C12orf56: variants seen among roughly 807,000 people sequenced by gnomAD.
The protein encoded by C12orf56 is chromosome 12 open reading frame 56.
In C12orf56, 71 loss-of-function variants were observed where a neutral mutation model predicts 69.9. The ratio of observed to expected loss-of-function variants is 1.02; its 90% confidence interval spans 0.84 to 1.24. The LOEUF (loss-of-function observed/expected upper bound fraction) is 1.24. C12orf56 is among the 50% of genes most tolerant of loss of function. The pLI, the probability that C12orf56 is intolerant of heterozygous loss-of-function variation, is 0.00. For missense variants in C12orf56, 732 were observed against 738.5 expected, an observed-to-expected ratio of 0.99 and a Z score of 0.10; for synonymous variants, 276 against 274.1, an observed-to-expected ratio of 1.01 and a Z score of -0.07.
chr12:64,268,726 TA>T (rs2037943034), intron 12 of C12orf56, among the ~76,000 whole-genome samples: 1 of 152,132 alleles, frequency 6.6e-6, no homozygotes, highest in African/African-American at 2.4e-5. Context: ...TTAATATATA[TA>T]TTTTTTTAAG....
intron 3 of C12orf56, among the ~76,000 whole-genome samples, chr12:64,323,272 A>C (rs2038794625): frequency 6.6e-6 from 1 of 152,142 alleles, no homozygotes; most frequent in African/African-American, 2.4e-5. Flanking sequence ...CGTTCCCAGG[A>C]TTCCATTTCT....
intron 1 of C12orf56, among the ~76,000 whole-genome samples, chr12:64,387,712 TGAGGTGG>T (rs1378908262): frequency 6.6e-6 from 1 of 151,248 alleles, no homozygotes; most frequent in Non-Finnish European, 1.5e-5. Context: ...CTCAGAAGGG[TGAGGTGG>T]GAGAATCACT....
chr12:64,310,908 C>A (rs1323037338), intron 5 of C12orf56, among the ~76,000 whole-genome samples: 1 of 151,694 alleles, frequency 6.6e-6, no homozygotes, highest in Non-Finnish European at 1.5e-5. Flanking sequence ...ATGATGTCCC[C>A]CTTCCTGTGT....
chr12:64,303,606 A>G, intron 6 of C12orf56, 29 bp downstream of exon 6: 1 of 1,477,736 alleles, frequency 6.8e-7, no homozygotes, highest in South Asian at 1.4e-5. Context: ...CACAAACTTT[A>G]AAGATTAAAA....
chr12:64,306,787 A>G (rs904286836), intron 5 of C12orf56, among the ~76,000 whole-genome samples: 3 of 152,170 alleles, frequency 2.0e-5, no homozygotes, highest in African/African-American at 7.2e-5. Context: ...CTCTTCCTAT[A>G]TTATCTCAAA....
rs565984655 is a variant in C12orf56, at chr12:64,319,994, G to A, written c.489-1014C>T. ...TCCTGTTTGCCGCCTTGGCAGACCC[G>A]CCACTGACTTCCATCCCTCCGGATC... On this transcript the variant is annotated intron_variant, in intron 3 of 12. Transcript: ENST00000543942. 5.3e-5 allele frequency among the ~76,000 whole-genome samples: 8 copies of A among 152,294 alleles called. No individual in the cohort carries two copies. In the East Asian group the frequency reaches 1.2e-3, roughly 22 times the overall value.
intron 2 of C12orf56, chr12:64,338,841 T>G: frequency 1.2e-6 from 1 of 855,950 alleles, no homozygotes; most frequent in Admixed American, 2.0e-5. Flanking sequence ...AGTTTAGGTT[T>G]GAAGGGTGAG....
intron 12 of C12orf56, among the ~76,000 whole-genome samples, chr12:64,268,503 A>G (rs2037941625): frequency 6.6e-6 from 1 of 152,196 alleles, no homozygotes; most frequent in Non-Finnish European, 1.5e-5. Flanking sequence ...CAGAATAGGC[A>G]AATCCATCAC....
chr12:64,295,849 G>A lies in C12orf56; in HGVS notation c.1113+7786C>T, dbSNP rs148383121. Among the ~76,000 whole-genome samples, 1,364 of 150,942 alleles carry A rather than the reference G, an allele frequency of 9.0e-3. 19 individuals are homozygous for A. The highest frequency in any genetic ancestry group is 0.031 in the African/African-American group (1,260 of 41,206). On this transcript the variant is annotated intron_variant, in intron 6 of 12. Coordinates refer to ENST00000543942, the MANE Select transcript of C12orf56 (RefSeq NM_001170633.2). ...AATATATATCACTCTATATTATAGC[G>A]TATCTGTAATTTTTATATCCATAAT... is the stretch of plus-strand genomic sequence containing the variant.
intron 1 of C12orf56, among the ~76,000 whole-genome samples, chr12:64,373,446 C>G (rs1390944515): frequency 1.3e-5 from 2 of 151,902 alleles, no homozygotes; most frequent in Non-Finnish European, 2.9e-5. Context: ...CAAGACCTGT[C>G]TTGAAAAAAA....
At chr12:64,319,566 T>A (rs186915779) in intron 3 of C12orf56, among the ~76,000 whole-genome samples, 1 of 152,232 alleles carries the variant, frequency 6.6e-6, no homozygotes, top group East Asian at 1.9e-4. Context: ...CAGCTAATTT[T>A]TGTATTTTTT....
intron 1 of C12orf56, among the ~76,000 whole-genome samples, chr12:64,374,705 G>C (rs184222369): frequency 7.2e-4 from 109 of 151,040 alleles, no homozygotes; most frequent in Non-Finnish European, 1.5e-3. Flanking sequence ...CACCATGCCC[G>C]GCTAATTTTT....
At chr12:64,277,538 G>T in intron 9 of C12orf56, 142 bp downstream of exon 9, 1 of 491,944 alleles carries the variant, frequency 2.0e-6, no homozygotes, top group Non-Finnish European at 3.0e-6. Context: ...AGTTATCTAA[G>T]TTTTGAGGTT....
At chr12:64,367,305 A>ATATATAATATATAGTTTATATAT (rs2039509337) in intron 1 of C12orf56, among the ~76,000 whole-genome samples, 1 of 140,910 alleles carries the variant, frequency 7.1e-6, no homozygotes, top group Non-Finnish European at 1.5e-5. Context: ...TTTATATATT[A>ATATATAATATATAGTTTATATAT]TATATAATAT....
intron 11 of C12orf56, 120 bp downstream of exon 11, chr12:64,274,781 T>C (rs2038029221): frequency 1.4e-6 from 1 of 732,410 alleles, no homozygotes; most frequent in Non-Finnish European, 2.2e-6. Flanking sequence ...ATTTACACTT[T>C]GCTTCTGGTT....
chr12:64,330,890 G>T, intron 3 of C12orf56, 70 bp downstream of exon 3: 1 of 1,326,428 alleles, frequency 7.5e-7, no homozygotes, highest in South Asian at 1.4e-5. Flanking sequence ...AAAAAATTAA[G>T]AAAAACAAGT....
At chr12:64,352,087 G>GTTTTTTTTT (rs1565770096) in intron 2 of C12orf56, among the ~76,000 whole-genome samples, 7 of 105,536 alleles carry the variant, frequency 6.6e-5, no homozygotes, top group African/African-American at 2.5e-4. Context: ...AGGTTTTTTT[G>GTTTTTTTTT]TTTTTGTTTT....
chr12:64,376,148 C>G (rs768803583), intron 1 of C12orf56, among the ~76,000 whole-genome samples: 72 of 152,226 alleles, frequency 4.7e-4, no homozygotes, highest in Non-Finnish European at 8.5e-4. Flanking sequence ...GACTGCGCAT[C>G]ACACAACCAA....
At chr12:64,269,417 A>G (rs983564365) in intron 12 of C12orf56, among the ~76,000 whole-genome samples, 8 of 152,180 alleles carry the variant, frequency 5.3e-5, no homozygotes, top group African/African-American at 7.2e-5. Context: ...GATGAAGCCA[A>G]TGCTGGCTAC....
Sources: allele counts gnomAD v4.1 joint callset (sites outside exome capture counted in the v4.1 genomes callset), GRCh38; gene constraint gnomAD v4.1.1; transcripts MANE v1.5; gene names NCBI Gene and HGNC (gene_info 2026-07-23, HGNC 2026-07-21).